Variants in NUP35 observed in about 807,000 individuals in gnomAD.
NUP35 encodes the protein nucleoporin NUP35.
NUP35 carries 25 observed loss-of-function variants against 41.5 expected under a neutral mutation model. The observed-to-expected ratio is 0.60, with a 90% confidence interval of 0.44 to 0.84. NUP35 has a LOEUF of 0.84. Ranked by LOEUF, NUP35 falls within the 40% of genes least tolerant of loss-of-function variation. The pLI is 0.00. For missense variants in NUP35, 396 were observed against 396.6 expected (o/e 1.00, Z 0.01); for synonymous variants, 149 against 130.7 (o/e 1.14, Z -0.96).
At chr2:183,118,720 C>T (rs901070985) in intron 1 of NUP35, 3 of 152,078 alleles carry the variant, frequency 2.0e-5, no homozygotes, top group Non-Finnish European at 4.4e-5. Context: ...GAGACCAAGA[C>T]AAGTTTTAGA....
intron 4 of NUP35, among the ~76,000 whole-genome samples, chr2:183,146,407 A>G (rs1685278780): frequency 6.6e-6 from 1 of 152,136 alleles, no homozygotes; most frequent in Non-Finnish European, 1.5e-5. Context: ...TATTAAGCTT[A>G]TTGAAGAATA....
chr2:183,160,452 A>G (rs1387709100), intron 8 of NUP35: 5 of 152,114 alleles, frequency 3.3e-5, no homozygotes, highest in African/African-American at 1.2e-4. Context: ...CAGTGGTGCT[A>G]TCCCAGCTCA....
rs115190447 is a variant in NUP35, at chr2:183,143,724, A to G, written c.398-7784A>G. ...AAGCCCTTATTATATACTTTACACT[A>G]GTTTTCCTTAAGTTCAGTCAGGAGT... On this transcript the variant is annotated intron_variant, in intron 4 of 8. Transcript: ENST00000295119. Among the ~76,000 whole-genome samples the G allele has an allele frequency of 8.6e-3, 1,304 of 152,180 alleles. 17 individuals carry two copies. Among genetic ancestry groups the G allele is most frequent in the African/African-American group, 0.03 (1,227 of 41,510 alleles).
intron 6 of NUP35, 133 bp from the exon 7 acceptor site, chr2:183,158,150 T>C (rs561968452): frequency 2.3e-4 from 140 of 606,832 alleles, no homozygotes; most frequent in Admixed American, 3.4e-4. Flanking sequence ...TGTTGAACTT[T>C]ACAGCTTTTT....
intron 4 of NUP35, among the ~76,000 whole-genome samples, chr2:183,146,660 G>A (rs35799804): frequency 0.22 from 34,005 of 151,474 alleles, 4,053 homozygotes; most frequent in African/African-American, 0.3. Flanking sequence ...GAAGTGGCAC[G>A]ATGTTGGCTC....
upstream of NUP35, chr2:183,123,738 T>C (rs1700101275): frequency 1.0e-6 from 1 of 971,326 alleles, no homozygotes; most frequent in African/African-American, 1.8e-5. Context: ...GACTATGCCC[T>C]AAAGAAAAGC....
intron 4 of NUP35, among the ~76,000 whole-genome samples, chr2:183,144,829 G>C (rs1685221673): frequency 6.6e-6 from 1 of 152,210 alleles, no homozygotes; most frequent in Non-Finnish European, 1.5e-5. Context: ...AATAGTTTTA[G>C]ATTATGTATA....
rs772857749 is a variant in NUP35, at chr2:183,128,431, T to C, written c.185T>C (p.Met62Thr). 3.1e-6 allele frequency: 5 copies of C among 1,613,434 alleles called. No individual in the cohort carries two copies. The highest frequency in any genetic ancestry group is 2.5e-6 in the Non-Finnish European group (3 of 1,179,710). ...RSISGPSVGV[M>T]EMRSPLLAGG... is the part of the protein sequence containing the mutation. ...ATTAGTGGCCCTTCAGTAGGAGTAA[T>C]GGAAATGAGATCACCTTTACTTGCA... The change falls in exon 2 of 9, where the codon ATG becomes ACG. Residue 62 changes from methionine (M) to threonine (T), a missense_variant. Met to Thr is a moderately conservative substitution (Grantham distance 81). Coordinates refer to ENST00000295119, the MANE Select transcript of NUP35 (RefSeq NM_138285.5).
chr2:183,122,635 A>C (rs1450286390), upstream of NUP35, among the ~76,000 whole-genome samples: 2 of 152,006 alleles, frequency 1.3e-5, no homozygotes, highest in African/African-American at 2.4e-5. Context: ...TTTGTATAGA[A>C]ATTTCTTTTT....
At chr2:183,121,937 T>TATTATTATTATTATTATTATTA (rs1700074276), upstream of NUP35, among the ~76,000 whole-genome samples, 1 of 150,060 alleles carries the variant, frequency 6.7e-6, no homozygotes. Flanking sequence ...ATTATTATAC[T>TATTATTATTATTATTATTATTA]TTAAGTTCTA....
chr2:183,160,774 A>G, intron 8 of NUP35: 1 of 199,114 alleles, frequency 5.0e-6, no homozygotes. Context: ...CTAAGTCCAT[A>G]TTTTAATTTT....
At chr2:183,128,628 T>A (rs71427875) in intron 2 of NUP35, among the ~76,000 whole-genome samples, 171 bp downstream of exon 2, 2 of 151,566 alleles carry the variant, frequency 1.3e-5, no homozygotes. Context: ...AAAAAAAATC[T>A]TAAAATGTTT....
intron 4 of NUP35, among the ~76,000 whole-genome samples, chr2:183,146,992 G>T (rs1469194682): frequency 6.6e-6 from 1 of 152,124 alleles, no homozygotes; most frequent in African/African-American, 2.4e-5. Flanking sequence ...TAGTGACATT[G>T]AACATTTTTT....
intron 8 of NUP35, chr2:183,159,863 T>G (rs1685808059): frequency 2.2e-6 from 1 of 458,852 alleles, no homozygotes; most frequent in East Asian, 3.8e-5. Flanking sequence ...AAAAAATTAT[T>G]TGCCATTCCT....
intron 5 of NUP35, 104 bp from the exon 6 acceptor site, chr2:183,157,340 C>G (rs1462203268): frequency 2.3e-6 from 2 of 864,916 alleles, no homozygotes; most frequent in Non-Finnish European, 3.9e-6. Context: ...TGTTAACGTT[C>G]TAGACAGTTG....
At position 183,161,273 on chromosome 2, in the gene NUP35, A is replaced by T. The variant is rs555424403; in HGVS notation, c.*142A>T. On this transcript the variant is annotated 3_prime_UTR_variant, in exon 9 of 9. Coordinates refer to ENST00000295119, the MANE Select transcript of NUP35 (RefSeq NM_138285.5). The stretch of plus-strand genomic sequence containing the variant: ...TAGAAAGAAGCCTTTTTCATTAAGG[A>T]TACAACCTATTTGTAGCTCGCACTT... 2.1e-5 allele frequency: 11 copies of T among 521,444 alleles called. No homozygotes were observed. The highest frequency in any genetic ancestry group is 1.7e-4 in the African/African-American group (9 of 52,454). 32.3% of individuals were successfully genotyped at this position (521,444 alleles called of 1,614,324 possible). A position where few individuals can be genotyped will look rare whatever the true frequency, so the allele number is the denominator to read the frequency against.
At chr2:183,128,553 T>C (rs934988332) in intron 2 of NUP35, 96 bp downstream of exon 2, 2 of 733,012 alleles carry the variant, frequency 2.7e-6, no homozygotes, top group African/African-American at 1.8e-5. Context: ...AAGAATTGAC[T>C]TGGGCCACAC....
intron 5 of NUP35, 28 bp from the exon 6 acceptor site, chr2:183,157,416 G>A (rs1048444331): frequency 2.3e-5 from 36 of 1,545,226 alleles, no homozygotes; most frequent in Non-Finnish European, 3.0e-5. Context: ...AGAAGCTGAC[G>A]TTTTCTTTGG....
rs73040917 is a variant in NUP35, at chr2:183,144,236, A to G, written c.398-7272A>G. On this transcript the variant is annotated intron_variant, in intron 4 of 8. Transcript: ENST00000295119. ...TATCCTCCCAGCGTCAATGTATGGC[A>G]ATATACATGGAGTACTACCAACTAG... 8.5e-3 allele frequency among the ~76,000 whole-genome samples: 1,292 copies of G among 152,342 alleles called. 19 individuals are homozygous for G. The highest frequency in any genetic ancestry group is 0.029 in the African/African-American group (1,206 of 41,568).
Sources: allele counts gnomAD v4.1 joint callset (sites outside exome capture counted in the v4.1 genomes callset), GRCh38; gene constraint gnomAD v4.1.1; transcripts MANE v1.5; gene names NCBI Gene and HGNC (gene_info 2026-07-23, HGNC 2026-07-21).